Variants in ASPH observed in about 807,000 individuals in gnomAD.
ASPH encodes aspartate beta-hydroxylase, also known as aspartyl/asparaginyl beta-hydroxylase.
A neutral mutation model predicts 118.4 loss-of-function variants in ASPH; 100 were observed. That is an observed-to-expected ratio of 0.84 (90% confidence interval 0.72 to 1.00). The LOEUF (loss-of-function observed/expected upper bound fraction) is 1.00. Among genes scored for constraint, ASPH ranks in the 50% least tolerant of loss-of-function variants. The pLI is 0.00. For missense variants in ASPH, 920 were observed against 919.5 expected (o/e 1.00, Z -0.01); for synonymous variants, 315 against 325.6 (o/e 0.97, Z 0.35).
At chr8:61,574,630 T>C (rs1038281046) in intron 16 of ASPH, among the ~76,000 whole-genome samples, 1 of 152,062 alleles carries the variant, frequency 6.6e-6, no homozygotes, top group Non-Finnish European at 1.5e-5. Context: ...TTCTCACTCA[T>C]AAGTGGGAGT....
rs1554607117 is a variant in ASPH at position 61,526,180 on chromosome 8, G to GT, written c.1765-69dup. 173 of 1,569,242 alleles carry GT rather than the reference G, an allele frequency of 1.1e-4. 3 individuals are homozygous for GT. Among genetic ancestry groups the GT allele is most frequent in the South Asian group, 1.0e-3 (89 of 85,140 alleles). ...GGTGGAGCACCTCATAATGACTCTTGTTTTTTTTGAGGTTCGTCTCAGAAA... is the reference window on the plus strand; with the variant it reads ...GGTGGAGCACCTCATAATGACTCTTGTTTTTTTTTGAGGTTCGTCTCAGAAA... On this transcript the variant is annotated intron_variant, in intron 21 of 24. Coordinates refer to ENST00000379454, the MANE Select transcript of ASPH (RefSeq NM_004318.4).
chr8:61,652,496 T>C (rs1006125526), intron 4 of ASPH, among the ~76,000 whole-genome samples: 4 of 152,060 alleles, frequency 2.6e-5, no homozygotes, highest in African/African-American at 7.2e-5. Context: ...CTGGAGGGGA[T>C]TGGAAGATGC....
chr8:61,691,968 A>G (rs998032385), intron 1 of ASPH, among the ~76,000 whole-genome samples: 4 of 152,206 alleles, frequency 2.6e-5, no homozygotes, highest in Admixed American at 6.5e-5. Flanking sequence ...TCCAAATTAC[A>G]GAATGTCTAC....
intron 10 of ASPH, among the ~76,000 whole-genome samples, chr8:61,640,600 C>T (rs1804670651): frequency 6.6e-6 from 1 of 152,194 alleles, no homozygotes; most frequent in Admixed American, 6.5e-5. Flanking sequence ...ACTTGTTCTT[C>T]CTAGCACTTA....
chr8:61,675,795 G>C (rs751896980), intron 3 of ASPH: 7 of 1,208,390 alleles, frequency 5.8e-6, no homozygotes, highest in Non-Finnish European at 6.2e-6. Context: ...GAAACAAAAC[G>C]ATACAGAAAC....
In ASPH at chr8:61,562,600, C is replaced by T. The variant is rs990019277; in HGVS notation, c.1437+144G>A. ...TCTAGGAAGAAAAGCAATGTTAAAA[C>T]ATAGTTTAGAATATGTTAACTATAA... On this transcript the variant is annotated intron_variant, in intron 18 of 24. Coordinates refer to ENST00000379454, the MANE Select transcript of ASPH (RefSeq NM_004318.4). 79 of 807,842 alleles carry T rather than the reference C, an allele frequency of 9.8e-5. No homozygotes were observed. In the Admixed American group the frequency reaches 1.5e-3, roughly 15 times the overall value. 50.0% of individuals were successfully genotyped at this position (807,842 alleles called of 1,614,324 possible). A position where few individuals can be genotyped will look rare whatever the true frequency, so the allele number is the denominator to read the frequency against.
chr8:61,614,645 T>TTTGTTG (rs565000530), intron 14 of ASPH, among the ~76,000 whole-genome samples: 10 of 151,664 alleles, frequency 6.6e-5, no homozygotes, highest in Non-Finnish European at 1.3e-4. Flanking sequence ...GTGTTGGGTT[T>TTTGTTG]TTGTTGTTGT....
rs4738912 is a variant in ASPH, at chr8:61,681,254, G to T, written c.254-218C>A. 0.83 allele frequency among the ~76,000 whole-genome samples: 126,460 copies of T among 151,612 alleles called. 52,885 individuals carry two copies. The highest frequency in any genetic ancestry group is 0.88 in the African/African-American group (36,394 of 41,462). ...GTCAGGAAATGTTCAGCTAATAAAT[G>T]CTATGAAATAAAACTGACACAGCAT... On this transcript the variant is annotated intron_variant, in intron 2 of 24. Coordinates refer to ENST00000379454, the MANE Select transcript of ASPH (RefSeq NM_004318.4).
In ASPH at chr8:61,522,632, T is replaced by C. The variant is rs189643317; in HGVS notation, c.1900+3345A>G. On this transcript the variant is annotated intron_variant, in intron 22 of 24. Transcript: ENST00000379454. ...GTTCTCACGAGATCTGATGGTTTTA[T>C]AAGGGGCTTCCCCCTTCACTTGGTA... Among the ~76,000 whole-genome samples the C allele has an allele frequency of 3.3e-5, 5 of 152,312 alleles. No homozygotes were observed. In the East Asian group the frequency reaches 9.7e-4, roughly 29 times the overall value.
intron 5 of ASPH, among the ~76,000 whole-genome samples, chr8:61,647,852 T>C (rs1262881680): frequency 6.6e-6 from 1 of 152,254 alleles, no homozygotes; most frequent in Non-Finnish European, 1.5e-5. Context: ...ACTGCTCTGC[T>C]TCTTTTGTGT....
intron 15 of ASPH, chr8:61,578,858 C>T (rs1248481293): frequency 6.2e-7 from 1 of 1,612,620 alleles, no homozygotes; most frequent in African/African-American, 1.3e-5. Context: ...TGGAGTCTCG[C>T]CTGGAAGGGC....
intron 22 of ASPH, among the ~76,000 whole-genome samples, chr8:61,525,395 G>A (rs2129624887): frequency 6.6e-6 from 1 of 151,798 alleles, no homozygotes; most frequent in Middle Eastern, 3.4e-3. Context: ...AGCTCCATAT[G>A]TGTGCCTGTA....
In ASPH at chr8:61,670,848, T is replaced by C. The variant is rs563294204; in HGVS notation, c.322+10120A>G. On this transcript the variant is annotated intron_variant, in intron 3 of 24. Transcript: ENST00000379454. ...GTTGTAAAGGGAAGAGAGAAGAAAA[T>C]AATGGAATGAAGCCACACTAGATTA... Among the ~76,000 whole-genome samples, 218 of 150,590 alleles carry C rather than the reference T, an allele frequency of 1.4e-3. 1 individual carries two copies. The highest frequency in any genetic ancestry group is 4.9e-3 in the African/African-American group (199 of 40,970).
intron 21 of ASPH, among the ~76,000 whole-genome samples, chr8:61,528,154 A>G (rs1456687271): frequency 6.6e-6 from 1 of 152,178 alleles, no homozygotes; most frequent in African/African-American, 2.4e-5. Context: ...ACTAGGTTCC[A>G]TATTACTTCA....
chr8:61,598,453 G>T (rs891572933), intron 14 of ASPH, among the ~76,000 whole-genome samples: 7 of 152,076 alleles, frequency 4.6e-5, no homozygotes, highest in Non-Finnish European at 8.8e-5. Context: ...TCTTCAAGAG[G>T]ACATAATTCC....
intron 3 of ASPH, chr8:61,665,569 T>C (rs889016717): frequency 2.5e-6 from 4 of 1,595,132 alleles, no homozygotes; most frequent in African/African-American, 2.7e-5. Flanking sequence ...CAGGTTTCTC[T>C]TTCTCCTTCT....
At chr8:61,504,611 G>T (rs541528920) in intron 24 of ASPH, among the ~76,000 whole-genome samples, 28 of 152,160 alleles carry the variant, frequency 1.8e-4, no homozygotes, top group Non-Finnish European at 8.8e-5. Flanking sequence ...ATTCTCTGTT[G>T]TAGGGGCTGT....
intron 24 of ASPH, among the ~76,000 whole-genome samples, chr8:61,508,508 T>C (rs2129612864): frequency 6.6e-6 from 1 of 152,346 alleles, no homozygotes; most frequent in African/African-American, 2.4e-5. Context: ...GTCACAGAAT[T>C]ACCATTGATA....
At chr8:61,662,917 AGTATTTAT>A in intron 3 of ASPH, 1 of 984,888 alleles carries the variant, frequency 1.0e-6, no homozygotes, top group Non-Finnish European at 1.2e-6. Flanking sequence ...TTTAGAATTT[AGTATTTAT>A]GTATTTTCTG....
Sources: allele counts gnomAD v4.1 joint callset (sites outside exome capture counted in the v4.1 genomes callset), GRCh38; gene constraint gnomAD v4.1.1; transcripts MANE v1.5; gene names NCBI Gene and HGNC (gene_info 2026-07-23, HGNC 2026-07-21).